NRXN3: variants seen among roughly 807,000 people sequenced by gnomAD.
NRXN3 encodes the protein neurexin 3.
Under a neutral mutation model 137.6 loss-of-function variants are expected in NRXN3, and 32 were observed. The observed-to-expected ratio is 0.23, with a 90% confidence interval of 0.18 to 0.31. The LOEUF (loss-of-function observed/expected upper bound fraction) is 0.31. Among genes scored for constraint, NRXN3 ranks in the 10% least tolerant of loss-of-function variants. NRXN3 has a pLI of 1.00. For synonymous variants in NRXN3, 798 were observed against 784.5 expected (o/e 1.02, Z -0.29); for missense variants, 1,574 against 2,062.5 (o/e 0.76, Z 4.59).
intron 16 of NRXN3, among the ~76,000 whole-genome samples, chr14:79,502,627 T>G (rs1359186340): frequency 2.0e-5 from 3 of 151,850 alleles, no homozygotes; most frequent in Non-Finnish European, 2.9e-5. Flanking sequence ...TTGGCCTGAG[T>G]TCTCTTCTGT....
chr14:79,377,098 G>A (rs11625634), intron 15 of NRXN3, among the ~76,000 whole-genome samples: 2 of 152,066 alleles, frequency 1.3e-5, no homozygotes, highest in East Asian at 1.9e-4. Flanking sequence ...CAGCAATATC[G>A]TGAAAGTTTA....
chr14:79,011,229 C>T (rs2099570333), intron 15 of NRXN3, among the ~76,000 whole-genome samples: 1 of 152,062 alleles, frequency 6.6e-6, no homozygotes, highest in South Asian at 2.1e-4. Flanking sequence ...TCACTAGACA[C>T]TGAGAGACTG....
chr14:79,210,998 C>T (rs561682473), intron 15 of NRXN3, among the ~76,000 whole-genome samples: 29 of 152,180 alleles, frequency 1.9e-4, no homozygotes, highest in Admixed American at 1.8e-3. Context: ...ATCTAAAATT[C>T]CTACAGTAAA....
At chr14:79,319,556 C>T (rs184973615) in intron 15 of NRXN3, among the ~76,000 whole-genome samples, 160 of 152,168 alleles carry the variant, frequency 1.1e-3, no homozygotes, top group Non-Finnish European at 1.8e-3. Flanking sequence ...TTGAGATATT[C>T]GGAGTGATGA....
At chr14:79,263,108 C>T (rs1183814198) in intron 15 of NRXN3, among the ~76,000 whole-genome samples, 1 of 152,118 alleles carries the variant, frequency 6.6e-6, no homozygotes, top group Non-Finnish European at 1.5e-5. Flanking sequence ...AGTGAAAGGA[C>T]ACAAAGACTT....
At chr14:79,684,206 T>C (rs377202919) in intron 17 of NRXN3, among the ~76,000 whole-genome samples, 13 of 152,046 alleles carry the variant, frequency 8.6e-5, no homozygotes, top group African/African-American at 2.9e-4. Flanking sequence ...AAGAATACAT[T>C]TAATGAGATA....
At chr14:79,370,216 A>G (rs1566934815) in intron 15 of NRXN3, among the ~76,000 whole-genome samples, 1 of 152,088 alleles carries the variant, frequency 6.6e-6, no homozygotes, top group Non-Finnish European at 1.5e-5. Context: ...ACATTATTGC[A>G]TTTAATTCTC....
At chr14:78,437,269 C>A (rs977705979) in intron 4 of NRXN3, among the ~76,000 whole-genome samples, 2 of 152,074 alleles carry the variant, frequency 1.3e-5, no homozygotes, top group African/African-American at 4.8e-5. Context: ...TGGAATTCAA[C>A]CCACAGGTAG....
intron 8 of NRXN3, among the ~76,000 whole-genome samples, chr14:78,739,443 C>A (rs535991079): frequency 1.3e-5 from 2 of 152,176 alleles, no homozygotes; most frequent in Non-Finnish European, 2.9e-5. Flanking sequence ...CTCCACAGAG[C>A]CTTGGGTACT....
At chr14:78,928,763 C>T (rs188411766) in intron 10 of NRXN3, among the ~76,000 whole-genome samples, 101 of 152,220 alleles carry the variant, frequency 6.6e-4, no homozygotes, top group Non-Finnish European at 7.4e-4. Flanking sequence ...AATAAACATA[C>T]GTGTGCATGT....
intron 4 of NRXN3, among the ~76,000 whole-genome samples, chr14:78,399,463 C>T (rs1013665735): frequency 6.6e-6 from 1 of 152,180 alleles, no homozygotes; most frequent in Non-Finnish European, 1.5e-5. Context: ...ACAGTATAGG[C>T]TCATTTTGGA....
chr14:78,846,481 G>A (rs568430376), intron 10 of NRXN3, among the ~76,000 whole-genome samples: 2 of 152,110 alleles, frequency 1.3e-5, no homozygotes, highest in Non-Finnish European at 2.9e-5. Flanking sequence ...CATAATGTAT[G>A]TCAAAAGGAC....
intron 10 of NRXN3, among the ~76,000 whole-genome samples, chr14:78,911,684 A>G (rs1375845422): frequency 6.6e-6 from 1 of 152,196 alleles, no homozygotes; most frequent in East Asian, 1.9e-4. Flanking sequence ...CTGCATGTTC[A>G]CATTTCACCT....
At chr14:78,521,204 T>C (rs2096279354) in intron 4 of NRXN3, among the ~76,000 whole-genome samples, 1 of 152,288 alleles carries the variant, frequency 6.6e-6, no homozygotes, top group Non-Finnish European at 1.5e-5. Flanking sequence ...TTCACCGTCA[T>C]TTATTTCTGC....
At chr14:78,730,932 G>A (rs565454036) in intron 8 of NRXN3, among the ~76,000 whole-genome samples, 6 of 152,190 alleles carry the variant, frequency 3.9e-5, no homozygotes, top group Admixed American at 6.5e-5. Context: ...GTCAAGGAAT[G>A]TGTCCTCAGA....
Position 79,714,196 on chromosome 14 carries a change from C to G in NRXN3, c.4014+16259C>G, listed in dbSNP as rs193293162. 1.9e-3 allele frequency among the ~76,000 whole-genome samples: 294 copies of G among 152,260 alleles called. 2 individuals carry two copies. The highest frequency in any genetic ancestry group is 6.9e-3 in the African/African-American group (287 of 41,546). On this transcript the variant is annotated intron_variant, in intron 19 of 20. Transcript: ENST00000335750. ...TTAATGTTGGATGGATGTACATATA[C>G]AAGAACTTGCTATCAGTACACAATT...
chr14:78,891,969 C>T (rs113548697), intron 10 of NRXN3, among the ~76,000 whole-genome samples: 84 of 151,986 alleles, frequency 5.5e-4, no homozygotes, highest in African/African-American at 2.0e-3. Flanking sequence ...CTTTTCTGTT[C>T]CCAAGAAGCT....
chr14:78,238,139 G>GCCCCCCCCCCCCCCCCCCCCCCCCC (rs111555461), intron 1 of NRXN3, among the ~76,000 whole-genome samples: 4 of 145,482 alleles, frequency 2.7e-5, no homozygotes, highest in Non-Finnish European at 4.5e-5. Context: ...AGTTGTGTGA[G>GCCCCCCCCCCCCCCCCCCCCCCCCC]CCCCCCCCAC....
At chr14:79,459,391 C>T (rs543552676) in intron 15 of NRXN3, among the ~76,000 whole-genome samples, 1 of 151,848 alleles carries the variant, frequency 6.6e-6, no homozygotes, top group Admixed American at 6.6e-5. Context: ...TTTGGTGGGC[C>T]CTCATCCAAT....
Sources: gnomAD v4.1 joint callset for allele counts (sites outside exome capture counted in the v4.1 genomes callset) on GRCh38, gnomAD v4.1.1 for gene constraint, MANE v1.5 for transcripts, NCBI Gene and HGNC (gene_info 2026-07-23, HGNC 2026-07-21) for gene names.